Variants in GRIK2 observed in about 807,000 individuals in gnomAD.
GRIK2 encodes the protein glutamate receptor ionotropic, kainate 2.
In GRIK2, 32 loss-of-function variants were observed where a neutral mutation model predicts 100.3. The ratio of observed to expected loss-of-function variants is 0.32; its 90% CI spans 0.24 to 0.43. GRIK2 has a LOEUF of 0.43. Among genes scored for constraint, GRIK2 ranks in the 20% least tolerant of loss-of-function variants. GRIK2 has a pLI of 1.00. For missense variants in GRIK2, 843 were observed against 1,114.9 expected, an observed-to-expected ratio of 0.76 and a Z score of 3.47; for synonymous variants, 417 against 389.4, an observed-to-expected ratio of 1.07 and a Z score of -0.83.
intron 2 of GRIK2, among the ~76,000 whole-genome samples, chr6:101,594,299 T>C (rs966208824): frequency 5.9e-5 from 9 of 151,740 alleles, no homozygotes; most frequent in Non-Finnish European, 1.3e-4. Flanking sequence ...TTTCAGAGAG[T>C]AAATACATCT....
intron 2 of GRIK2, among the ~76,000 whole-genome samples, chr6:101,476,577 A>G (rs1357043464): frequency 6.6e-6 from 1 of 152,150 alleles, no homozygotes; most frequent in Non-Finnish European, 1.5e-5. Flanking sequence ...TATAGTACCT[A>G]CTGTATAGGA....
intron 14 of GRIK2, among the ~76,000 whole-genome samples, chr6:101,955,787 G>A (rs1226287059): frequency 6.6e-6 from 1 of 151,138 alleles, no homozygotes; most frequent in Non-Finnish European, 1.5e-5. Context: ...TTCTGATATT[G>A]ATAATTTTGT....
intron 2 of GRIK2, among the ~76,000 whole-genome samples, chr6:101,444,069 TTTTGTTTG>T (rs374486097): frequency 5.5e-5 from 8 of 145,464 alleles, no homozygotes; most frequent in African/African-American, 1.7e-4. Context: ...TTCCGGGTTT[TTTTGTTTG>T]TTTGTTTGTT....
chr6:101,811,126 T>C (rs1340650854), intron 9 of GRIK2, among the ~76,000 whole-genome samples: 1 of 152,058 alleles, frequency 6.6e-6, no homozygotes, highest in Non-Finnish European at 1.5e-5. Flanking sequence ...TTGTAGGTCA[T>C]ATGGTTGGGG....
intron 14 of GRIK2, among the ~76,000 whole-genome samples, chr6:101,990,000 CAAAG>C (rs1241933414): frequency 6.6e-6 from 1 of 151,580 alleles, no homozygotes; most frequent in East Asian, 1.9e-4. Flanking sequence ...GAGATTGGAT[CAAAG>C]AAACAAGTCA....
At chr6:101,566,728 CAAG>C (rs1326353459) in intron 2 of GRIK2, among the ~76,000 whole-genome samples, 4 of 150,262 alleles carry the variant, frequency 2.7e-5, no homozygotes, top group African/African-American at 4.9e-5. Flanking sequence ...TTAAGTAAAA[CAAG>C]AAAATTTTTT....
intron 2 of GRIK2, among the ~76,000 whole-genome samples, chr6:101,509,196 C>A (rs930917122): frequency 1.3e-5 from 2 of 149,970 alleles, no homozygotes; most frequent in East Asian, 3.9e-4. Context: ...ATAATATTGT[C>A]CAGATAGAGC....
intron 2 of GRIK2, among the ~76,000 whole-genome samples, chr6:101,555,677 A>G (rs2245954): frequency 0.81 from 122,905 of 151,860 alleles, 50,189 homozygotes; most frequent in African/African-American, 0.91. Context: ...AATTTTAAAT[A>G]TGAATTGTTT....
At chr6:102,052,873 A>T (rs1356125186) in intron 15 of GRIK2, among the ~76,000 whole-genome samples, 1 of 152,100 alleles carries the variant, frequency 6.6e-6, no homozygotes, top group Non-Finnish European at 1.5e-5. Context: ...TGAGCTCAGG[A>T]GGTCAAGGCC....
At chr6:101,685,486 G>T (rs913438329) in intron 6 of GRIK2, among the ~76,000 whole-genome samples, 17 of 152,096 alleles carry the variant, frequency 1.1e-4, no homozygotes, top group Non-Finnish European at 2.4e-4. Flanking sequence ...TTTCATGGTG[G>T]CATCCATTTC....
chr6:101,769,775 T>C (rs1192587609), intron 7 of GRIK2, among the ~76,000 whole-genome samples: 1 of 152,142 alleles, frequency 6.6e-6, no homozygotes, highest in Non-Finnish European at 1.5e-5. Context: ...AAATAAAGCA[T>C]TGTAATGGGA....
chr6:101,658,002 A>G (rs1340732906), intron 4 of GRIK2, among the ~76,000 whole-genome samples: 1 of 152,156 alleles, frequency 6.6e-6, no homozygotes, highest in Non-Finnish European at 1.5e-5. Flanking sequence ...ACCCTAGTTT[A>G]CCAACCCATC....
rs546858528 is a variant in GRIK2 at position 101,447,057 on chromosome 6, G to GTA, written c.115+47675_115+47676dup. 9.5e-3 allele frequency among the ~76,000 whole-genome samples: 1,401 copies of GTA among 148,040 alleles called. 9 individuals carry two copies. The highest frequency in any genetic ancestry group is 0.03 in the African/African-American group (1,209 of 40,718). Reference sequence around the variant, plus strand: ...ATATGTGTGTATATATTATGTTTGTGTATATATATATTACAGTAGCCCTTT... The same window carrying GTA: ...ATATGTGTGTATATATTATGTTTGTGTATATATATATATTACAGTAGCCCTTT... On this transcript the variant is annotated intron_variant, in intron 2 of 16. Transcript: ENST00000369134.
rs1469629653 is a variant in GRIK2 at position 101,505,875 on chromosome 6, G to GT, written c.115+106490dup. Among the ~76,000 whole-genome samples, 35 of 151,314 alleles carry GT rather than the reference G, an allele frequency of 2.3e-4. 1 individual carries two copies. The highest frequency in any genetic ancestry group is 8.5e-4 in the African/African-American group (35 of 41,248). Reference sequence around the variant, plus strand: ...ATCTCTAATCATTCCCATAAGAAACGTTTTTTTAAAAAGCTAAATACATTA... The same window carrying GT: ...ATCTCTAATCATTCCCATAAGAAACGTTTTTTTTAAAAAGCTAAATACATTA... On this transcript the variant is annotated intron_variant, in intron 2 of 16. Transcript: ENST00000369134.
intron 14 of GRIK2, among the ~76,000 whole-genome samples, chr6:102,002,893 T>G (rs1795026491): frequency 7.0e-6 from 1 of 142,216 alleles, no homozygotes; most frequent in African/African-American, 2.6e-5. Flanking sequence ...ATTCTATTCA[T>G]CTATGTTTAA....
At chr6:101,683,858 C>T (rs1219958554) in intron 6 of GRIK2, among the ~76,000 whole-genome samples, 1 of 152,144 alleles carries the variant, frequency 6.6e-6, no homozygotes, top group African/African-American at 2.4e-5. Context: ...GTATCACCAA[C>T]AAAATTTTAC....
chr6:101,559,413 C>T (rs1297810503), intron 2 of GRIK2, among the ~76,000 whole-genome samples: 1 of 151,928 alleles, frequency 6.6e-6, no homozygotes, highest in Non-Finnish European at 1.5e-5. Flanking sequence ...ATAAGTATTC[C>T]TACTCTATAT....
chr6:101,496,059 C>T (rs1773426635), intron 2 of GRIK2, among the ~76,000 whole-genome samples: 1 of 152,124 alleles, frequency 6.6e-6, no homozygotes, highest in South Asian at 2.1e-4. Context: ...GATTCTCATG[C>T]CTCAGCTTCC....
chr6:101,761,011 C>A (rs951423845), intron 7 of GRIK2, among the ~76,000 whole-genome samples: 30 of 152,078 alleles, frequency 2.0e-4, no homozygotes, highest in African/African-American at 6.7e-4. Flanking sequence ...CATGAAGTCT[C>A]AGTGATTCTT....
Sources: allele counts gnomAD v4.1 joint callset (sites outside exome capture counted in the v4.1 genomes callset), GRCh38; gene constraint gnomAD v4.1.1; transcripts MANE v1.5; gene names NCBI Gene and HGNC (gene_info 2026-07-23, HGNC 2026-07-21).